FRMD6: variants seen among roughly 807,000 people sequenced by gnomAD.
The protein encoded by FRMD6 is FERM domain-containing protein 6.
A neutral mutation model predicts 73.2 loss-of-function variants in FRMD6; 37 were observed. The observed-to-expected ratio is 0.51, with a 90% CI of 0.39 to 0.66. The LOEUF is 0.66. Among genes scored for constraint, FRMD6 ranks in the 30% least tolerant of loss-of-function variants. The pLI, the probability that FRMD6 is intolerant of heterozygous loss-of-function variation, is 0.00. For synonymous variants in FRMD6, 273 were observed against 282.2 expected (o/e 0.97, Z 0.33); for missense variants, 714 against 780.5 (o/e 0.91, Z 1.02).
At chr14:51,617,034 G>A (rs1194215491) in intron 2 of FRMD6, among the ~76,000 whole-genome samples, 5 of 152,292 alleles carry the variant, frequency 3.3e-5, no homozygotes, top group Admixed American at 6.5e-5. Context: ...TAGCTTTCCC[G>A]TTTGTCATAC....
intron 2 of FRMD6, among the ~76,000 whole-genome samples, chr14:51,632,802 G>C (rs1891389833): frequency 6.6e-6 from 1 of 152,122 alleles, no homozygotes; most frequent in Non-Finnish European, 1.5e-5. Context: ...GGCAGTTTCA[G>C]GTAAAAGGGG....
rs551452871 is a variant in FRMD6 at position 51,534,763 on chromosome 14, A to G, written c.-209-35585A>G. ...AGGAAGCAGTTGGACAAAGGCCTGC[A>G]CTTCAGCTGTGCAGCAGAGTCATTT... On this transcript the variant is annotated intron_variant, in intron 1 of 14. Coordinates refer to the FRMD6 transcript ENST00000356218. 4.9e-4 allele frequency among the ~76,000 whole-genome samples: 74 copies of G among 152,316 alleles called. 1 individual carries two copies. The highest frequency in any genetic ancestry group is 3.4e-3 in the Middle Eastern group (1 of 294).
At position 51,586,651 on chromosome 14, in the gene FRMD6, G is replaced by T. The variant is rs976225131; in HGVS notation, c.-147+16241G>T. Among the ~76,000 whole-genome samples the T allele has an allele frequency of 1.2e-4, 19 of 152,052 alleles. 1 individual carries two copies. In the South Asian group the frequency reaches 1.5e-3, roughly 12 times the overall value. On this transcript the variant is annotated intron_variant, in intron 2 of 14. Transcript: ENST00000356218. ...GACTTGCTAAAAAATTATTTGCCTT[G>T]GGCAATGTCTAGAAGAATATTTCCT...
At chr14:51,715,581 C>T (rs1218065345) in intron 10 of FRMD6, 82 bp downstream of exon 10, 1 of 1,225,674 alleles carries the variant, frequency 8.2e-7, no homozygotes, top group Non-Finnish European at 1.1e-6. Context: ...TTTTGAGCTC[C>T]TACAGAATTG....
At chr14:51,493,587 G>A (rs896916959) in intron 1 of FRMD6, among the ~76,000 whole-genome samples, 1 of 152,190 alleles carries the variant, frequency 6.6e-6, no homozygotes, top group Non-Finnish European at 1.5e-5. Flanking sequence ...GTGGAACTGT[G>A]AGTCAATTAA....
At chr14:51,530,912 T>G (rs892898148) in intron 1 of FRMD6, among the ~76,000 whole-genome samples, 4 of 152,320 alleles carry the variant, frequency 2.6e-5, no homozygotes, top group Admixed American at 2.6e-4. Context: ...TACCTGAGAC[T>G]GGGTAATTTA....
chr14:51,695,237 T>A (rs899635284), intron 2 of FRMD6, among the ~76,000 whole-genome samples: 1 of 152,188 alleles, frequency 6.6e-6, no homozygotes, highest in East Asian at 1.9e-4. Flanking sequence ...AGTCACAAAT[T>A]TGTAGTATAT....
chr14:51,592,253 C>T (rs1325407568), intron 2 of FRMD6, among the ~76,000 whole-genome samples: 1 of 152,222 alleles, frequency 6.6e-6, no homozygotes, highest in African/African-American at 2.4e-5. Flanking sequence ...TTGACTGGCT[C>T]TCTCTGTCCT....
At chr14:51,515,482 G>T (rs1662646678) in intron 1 of FRMD6, among the ~76,000 whole-genome samples, 1 of 152,012 alleles carries the variant, frequency 6.6e-6, no homozygotes, top group African/African-American at 2.4e-5. Flanking sequence ...TGCAACTGGT[G>T]CCCCCATTTG....
chr14:51,686,517 C>T (rs1895160623), intron 1 of FRMD6, among the ~76,000 whole-genome samples: 1 of 151,970 alleles, frequency 6.6e-6, no homozygotes, highest in Non-Finnish European at 1.5e-5. Context: ...CTTAAAGTTC[C>T]AGTGGGGGAA....
the FRMD6 span, among the ~76,000 whole-genome samples, chr14:51,462,784 AAGAGAG>A: frequency 8.0e-5 from 12 of 149,478 alleles, no homozygotes; most frequent in Non-Finnish European, 1.5e-4. Flanking sequence ...ATAAGGGAGG[AAGAGAG>A]AGAGAGAGAG....
the FRMD6 span, among the ~76,000 whole-genome samples, chr14:51,424,133 T>C: frequency 2.0e-5 from 3 of 152,216 alleles, no homozygotes; most frequent in Non-Finnish European, 4.4e-5. Context: ...TAAGCCTTGA[T>C]GAGGTGTTGA....
intron 1 of FRMD6, among the ~76,000 whole-genome samples, chr14:51,530,036 T>G (rs1288129674): frequency 6.6e-6 from 1 of 152,226 alleles, no homozygotes; most frequent in African/African-American, 2.4e-5. Context: ...GAGACAGCTG[T>G]TAAATCTCAG....
chr14:51,578,901 G>A (rs184768701), intron 2 of FRMD6: 1 of 152,338 alleles, frequency 6.6e-6, no homozygotes, highest in African/African-American at 2.4e-5. Context: ...TGACCTTGAA[G>A]GCCAGGCTTA....
At chr14:51,600,366 G>A (rs577054427) in intron 2 of FRMD6, among the ~76,000 whole-genome samples, 2 of 152,284 alleles carry the variant, frequency 1.3e-5, no homozygotes, top group East Asian at 3.9e-4. Context: ...CTCCCTTGCA[G>A]TTGATTTTGG....
chr14:51,462,128 TA>T, the FRMD6 span, among the ~76,000 whole-genome samples: 1 of 152,166 alleles, frequency 6.6e-6, no homozygotes, highest in African/African-American at 2.4e-5. Flanking sequence ...AAACATCTTT[TA>T]AAAAGCAGTG....
At chr14:51,543,035 A>T (rs984502798) in intron 1 of FRMD6, among the ~76,000 whole-genome samples, 1 of 152,088 alleles carries the variant, frequency 6.6e-6, no homozygotes, top group Admixed American at 6.5e-5. Flanking sequence ...CATTCTATGA[A>T]TTGTCTTTTC....
At chr14:51,582,463 C>T (rs1888778797) in intron 2 of FRMD6, among the ~76,000 whole-genome samples, 1 of 152,188 alleles carries the variant, frequency 6.6e-6, no homozygotes. Context: ...ATTGTAACCA[C>T]ACCATTTTGT....
intron 1 of FRMD6, among the ~76,000 whole-genome samples, chr14:51,515,033 T>C (rs1027295609): frequency 6.6e-6 from 1 of 152,230 alleles, no homozygotes; most frequent in Non-Finnish European, 1.5e-5. Context: ...TGTTCAACCA[T>C]GATGGTGTCC....
Sources: allele counts gnomAD v4.1 joint callset (sites outside exome capture counted in the v4.1 genomes callset), GRCh38; gene constraint gnomAD v4.1.1; transcripts MANE v1.5; gene names NCBI Gene and HGNC (gene_info 2026-07-23, HGNC 2026-07-21).